STAU2: variants seen among roughly 807,000 people sequenced by gnomAD.
STAU2 encodes the protein double-stranded RNA-binding protein Staufen homolog 2.
A neutral mutation model predicts 65.9 loss-of-function variants in STAU2; 20 were observed. The ratio of observed to expected loss-of-function variants is 0.30; its 90% CI spans 0.21 to 0.44. The LOEUF is 0.44. Ranked by LOEUF, STAU2 falls within the 20% of genes least tolerant of loss-of-function variation. STAU2 has a pLI of 1.00. For synonymous variants in STAU2, 232 were observed against 233.9 expected (o/e 0.99, Z 0.07); for missense variants, 558 against 683.9 (o/e 0.82, Z 2.05).
intron 3 of STAU2, among the ~76,000 whole-genome samples, chr8:73,731,881 G>C (rs779783299): frequency 6.6e-6 from 1 of 152,314 alleles, no homozygotes; most frequent in Non-Finnish European, 1.5e-5. Context: ...AGAGGTTGCA[G>C]TGAGCTGAGA....
At chr8:73,723,108 CCACACACA>C (rs370518442) in intron 3 of STAU2, among the ~76,000 whole-genome samples, 72 of 149,072 alleles carry the variant, frequency 4.8e-4, no homozygotes, top group Admixed American at 1.0e-3. Context: ...GCCCACACAC[CCACACACA>C]CACACACACA....
chr8:73,650,737 T>C (rs1283031527), intron 6 of STAU2, among the ~76,000 whole-genome samples: 1 of 152,136 alleles, frequency 6.6e-6, no homozygotes, highest in Non-Finnish European at 1.5e-5. Flanking sequence ...TAAAGAAAAA[T>C]ACTGTGCAAT....
chr8:73,425,936 G>T (rs1047576032), intron 13 of STAU2, among the ~76,000 whole-genome samples: 5 of 152,114 alleles, frequency 3.3e-5, no homozygotes, highest in Non-Finnish European at 7.3e-5. Flanking sequence ...GGGATTACAG[G>T]CATGAGCCAC....
At chr8:73,694,265 A>G (rs890112304) in intron 4 of STAU2, among the ~76,000 whole-genome samples, 1 of 152,228 alleles carries the variant, frequency 6.6e-6, no homozygotes, top group Non-Finnish European at 1.5e-5. Flanking sequence ...CTTATCAAAA[A>G]CTGATATAAC....
intron 13 of STAU2, among the ~76,000 whole-genome samples, chr8:73,436,817 C>T (rs968321906): frequency 1.3e-5 from 2 of 151,934 alleles, no homozygotes; most frequent in Non-Finnish European, 2.9e-5. Context: ...AAACTCCTGA[C>T]CTCAGGTGAT....
chr8:73,460,009 C>G (rs1019144051), intron 13 of STAU2, among the ~76,000 whole-genome samples: 1 of 152,122 alleles, frequency 6.6e-6, no homozygotes, highest in African/African-American at 2.4e-5. Context: ...TTGGATCATT[C>G]CCCTTCTATT....
chr8:73,594,003 G>A (rs896203196), intron 11 of STAU2, among the ~76,000 whole-genome samples: 1 of 151,992 alleles, frequency 6.6e-6, no homozygotes, highest in Non-Finnish European at 1.5e-5. Flanking sequence ...CTGGTTTTTT[G>A]TTGTGTTTGC....
chr8:73,747,473 C>T, upstream of STAU2: 3 of 1,534,424 alleles, frequency 2.0e-6, no homozygotes, highest in Non-Finnish European at 2.6e-6. Context: ...CTGTGCAACG[C>T]ACGGTTTAGC....
At chr8:73,711,438 T>TA (rs1820893091) in intron 3 of STAU2, among the ~76,000 whole-genome samples, 1 of 152,096 alleles carries the variant, frequency 6.6e-6, no homozygotes, top group Non-Finnish European at 1.5e-5. Flanking sequence ...GAGAAAATAT[T>TA]AAAGTCTGAT....
intron 6 of STAU2, chr8:73,672,405 T>A (rs1817748447): frequency 6.6e-6 from 1 of 152,162 alleles, no homozygotes; most frequent in African/African-American, 2.4e-5. Flanking sequence ...ATTCTGTATC[T>A]CGATCTGAGT....
chr8:73,644,954 AAAAAAG>A (rs1815262502), intron 6 of STAU2, among the ~76,000 whole-genome samples: 1 of 152,142 alleles, frequency 6.6e-6, no homozygotes, highest in South Asian at 2.1e-4. Context: ...TAAAACTCCT[AAAAAAG>A]AAAATCTCCA....
chr8:73,636,969 G>A (rs1356024526), intron 6 of STAU2, among the ~76,000 whole-genome samples: 1 of 147,262 alleles, frequency 6.8e-6, no homozygotes, highest in East Asian at 2.1e-4. Flanking sequence ...GCAGAGAACA[G>A]TAATTATAAA....
Position 73,673,358 on chromosome 8 carries a change from A to G in STAU2, c.275-116T>C, listed in dbSNP as rs1000003938. 5.8e-6 allele frequency: 6 copies of G among 1,039,994 alleles called. No homozygotes were observed. The African/African-American group carries it at 8.2e-5, about 14-fold the overall frequency. 64.4% of individuals were successfully genotyped at this position (1,039,994 alleles called of 1,614,324 possible). A position where few individuals can be genotyped will look rare whatever the true frequency, so the allele number is the denominator to read the frequency against. ...GGAAGAAGGTAAGAATGGATGGACCACCTGTATGATTTTCTAAGGAACTGC... is the reference window on the plus strand; with the variant it reads ...GGAAGAAGGTAAGAATGGATGGACCGCCTGTATGATTTTCTAAGGAACTGC... On this transcript the variant is annotated intron_variant, in intron 5 of 14. Transcript: ENST00000524300.
intron 6 of STAU2, chr8:73,652,179 A>G (rs952343882): frequency 1.3e-5 from 2 of 152,102 alleles, no homozygotes; most frequent in Non-Finnish European, 2.9e-5. Flanking sequence ...GGAAGGGGGA[A>G]AAAAAAGAAA....
chr8:73,598,357 A>G (rs1430514586), intron 10 of STAU2, among the ~76,000 whole-genome samples: 1 of 151,148 alleles, frequency 6.6e-6, no homozygotes, highest in African/African-American at 2.4e-5. Flanking sequence ...CCTCCTGAGT[A>G]GCTGGAACTA....
intron 3 of STAU2, among the ~76,000 whole-genome samples, chr8:73,709,405 G>A (rs1820736545): frequency 6.6e-6 from 1 of 152,006 alleles, no homozygotes; most frequent in East Asian, 1.9e-4. Context: ...ATAACAGCAT[G>A]CTTAAAGATT....
At chr8:73,720,249 C>A (rs373787279) in intron 3 of STAU2, among the ~76,000 whole-genome samples, 3 of 140,314 alleles carry the variant, frequency 2.1e-5, no homozygotes, top group Non-Finnish European at 4.5e-5. Context: ...CCAGCCTGGG[C>A]GACAGAGTGA....
chr8:73,603,695 CT>C (rs1811805337), intron 10 of STAU2, 30 bp downstream of exon 10: 1 of 1,599,210 alleles, frequency 6.3e-7, no homozygotes, highest in Non-Finnish European at 8.5e-7. Flanking sequence ...ATTTCTAAAT[CT>C]TTTCAATAGT....
intron 13 of STAU2, among the ~76,000 whole-genome samples, chr8:73,543,968 CA>C (rs78993664): frequency 1.3e-5 from 2 of 152,202 alleles, no homozygotes; most frequent in East Asian, 1.9e-4. Flanking sequence ...GTCCCACAAG[CA>C]ATTCGAATTC....
Sources: gnomAD v4.1 joint callset for allele counts (sites outside exome capture counted in the v4.1 genomes callset) on GRCh38, gnomAD v4.1.1 for gene constraint, MANE v1.5 for transcripts, NCBI Gene and HGNC (gene_info 2026-07-23, HGNC 2026-07-21) for gene names.